RFX2: variants seen among roughly 807,000 people sequenced by gnomAD.
RFX2 encodes regulatory factor X2.
A neutral mutation model predicts 87.8 loss-of-function variants in RFX2; 20 were observed. The observed-to-expected ratio is 0.23, with a 90% confidence interval of 0.16 to 0.33. The LOEUF is 0.33. RFX2 is among the 10% of genes least tolerant of loss of function. The pLI is 1.00. For synonymous variants in RFX2, 397 were observed against 431.3 expected (o/e 0.92, Z 0.98); for missense variants, 767 against 1,012.3 (o/e 0.76, Z 3.29).
In RFX2 at chr19:6,044,350, G is replaced by C; in HGVS notation, c.91-68C>G. On this transcript the variant is annotated intron_variant, in intron 2 of 17. Transcript: ENST00000303657. The surrounding 1 kb of genome is among the most constrained non-coding windows in gnomAD (Gnocchi z 5.3). ...TCAGTGCTGAGGATACACACAGAATGTAAGATGCTGTTTGTCTGTTCATGT... is the reference window on the plus strand; with the variant it reads ...TCAGTGCTGAGGATACACACAGAATCTAAGATGCTGTTTGTCTGTTCATGT... 2 of 958,222 alleles carry C rather than the reference G, an allele frequency of 2.1e-6. No individual in the cohort carries two copies. Among genetic ancestry groups the C allele is most frequent in the East Asian group, 3.2e-5 (1 of 31,268 alleles). The allele number at this position is 958,222 out of a possible 1,614,324, so 59.4% of individuals were successfully genotyped here.
intron 1 of RFX2, among the ~76,000 whole-genome samples, chr19:6,054,910 A>G (rs2087313307): frequency 2.6e-5 from 4 of 152,228 alleles, no homozygotes; most frequent in Non-Finnish European, 5.9e-5. Context: ...TGCTAAGAAT[A>G]TGAATAGGTA....
chr19:6,008,038 C>G lies in RFX2; in HGVS notation c.1134+68G>C, dbSNP rs1462409113. On this transcript the variant is annotated intron_variant, in intron 10 of 17. Coordinates refer to ENST00000303657, the MANE Select transcript of RFX2 (RefSeq NM_000635.4). ...GCTCCTCAGCGTCACCCGGGGACGC[C>G]TGGCCTGAGCGCTGGCGGTTCCCGG... The G allele has an allele frequency of 3.3e-6, 4 of 1,229,240 alleles. No individual in the cohort carries two copies. In the African/African-American group the frequency reaches 6.0e-5, roughly 18 times the overall value. 76.1% of individuals were successfully genotyped at this position (1,229,240 alleles called of 1,614,324 possible).
rs1160884506 is a variant in RFX2 at position 6,007,157 on chromosome 19, G to A, written c.1257C>T (p.Asp419=). ...CCTTGGGCAGGACGGCGCCCTCGGG[G>A]TCTTCGTCACTGTGGAGGGAGGGGG... The part of the protein sequence containing the change: ...GPTSLPASDE[D]PEGAVLPKDK... The change falls in exon 12 of 18, where the codon GAC becomes GAT. Residue 419 remains aspartate, a synonymous_variant. Coordinates refer to ENST00000303657, the MANE Select transcript of RFX2 (RefSeq NM_000635.4). The surrounding 1 kb of genome is among the most constrained non-coding windows in gnomAD (Gnocchi z 8.2). 1.9e-6 allele frequency: 3 copies of A among 1,613,554 alleles called. No individual in the cohort carries two copies. In the African/African-American group the frequency reaches 4.0e-5, roughly 22 times the overall value.
At chr19:6,019,346 G>A (rs1347211060) in intron 6 of RFX2, among the ~76,000 whole-genome samples, 1 of 152,012 alleles carries the variant, frequency 6.6e-6, no homozygotes, top group East Asian at 1.9e-4. Context: ...TTCTGGACTG[G>A]ACTTTTTCCA....
intron 3 of RFX2, among the ~76,000 whole-genome samples, chr19:6,043,476 A>G (rs2087141628): frequency 6.6e-6 from 1 of 152,212 alleles, no homozygotes; most frequent in Non-Finnish European, 1.5e-5. Context: ...GTTAACTTTA[A>G]TTCAGGATTC....
At chr19:6,057,389 C>T (rs1472534712) in intron 1 of RFX2, 1 of 152,504 alleles carries the variant, frequency 6.6e-6, no homozygotes, top group Non-Finnish European at 1.5e-5. Context: ...GCAGAAAACG[C>T]TGAGAGCAAT....
intron 16 of RFX2, among the ~76,000 whole-genome samples, chr19:5,996,628 CA>C (rs2086416478): frequency 6.6e-6 from 1 of 152,254 alleles, no homozygotes; most frequent in Non-Finnish European, 1.5e-5. Context: ...ACAGAGGTGC[CA>C]GCTGCACGTT....
intron 1 of RFX2, among the ~76,000 whole-genome samples, chr19:6,071,332 G>A (rs567577707): frequency 6.6e-6 from 1 of 152,310 alleles, no homozygotes; most frequent in East Asian, 1.9e-4. Flanking sequence ...GACTCAGCCT[G>A]ACGGGAGGAG....
At chr19:6,094,505 G>A (rs370635556) in intron 1 of RFX2, among the ~76,000 whole-genome samples, 2 of 152,152 alleles carry the variant, frequency 1.3e-5, no homozygotes, top group African/African-American at 2.4e-5. Flanking sequence ...ATGTTTTCAC[G>A]GCTATGAAGT....
chr19:6,094,082 C>T (rs1034033144), intron 1 of RFX2, among the ~76,000 whole-genome samples: 10 of 152,148 alleles, frequency 6.6e-5, no homozygotes, highest in Non-Finnish European at 1.0e-4. Flanking sequence ...CTGAATTCTG[C>T]GGCATGTGAA....
At chr19:6,094,714 T>G (rs989944992) in intron 1 of RFX2, among the ~76,000 whole-genome samples, 1 of 152,182 alleles carries the variant, frequency 6.6e-6, no homozygotes, top group African/African-American at 2.4e-5. Flanking sequence ...AAAAAGAATG[T>G]GAAATATCTC....
rs1265978586 is a variant in RFX2 at position 6,047,783 on chromosome 19, G to A, written c.-8-279C>T. On this transcript the variant is annotated intron_variant, in intron 1 of 17. Coordinates refer to ENST00000303657, the MANE Select transcript of RFX2 (RefSeq NM_000635.4). The surrounding 1 kb of genome is among the most constrained non-coding windows in gnomAD (Gnocchi z 4.2). The stretch of plus-strand genomic sequence containing the variant: ...GCAGGAATTCCTCAACAGAAGGCCG[G>A]GACACTGGCTCTGTGCCCAAGTCTG... Among the ~76,000 whole-genome samples, 1 of 152,216 alleles carries A rather than the reference G, an allele frequency of 6.6e-6. No individual in the cohort carries two copies. Among genetic ancestry groups the A allele is most frequent in the Non-Finnish European group, 1.5e-5 (1 of 68,036 alleles).
intron 1 of RFX2, among the ~76,000 whole-genome samples, chr19:6,086,368 G>C (rs1363655318): frequency 6.6e-6 from 1 of 152,220 alleles, no homozygotes; most frequent in Non-Finnish European, 1.5e-5. Context: ...CACCTGGGCT[G>C]TATGGTATAA....
In RFX2 at chr19:6,044,193, C is replaced by A; in HGVS notation, c.180G>T (p.Gln60His). ...ACGGTGCTGCGGTGCTTGTCATTAC[C>A]TGCTGGGGTACCTGCTGAACTCTGG... Reference protein sequence around the residue: ...SLPRVQQVPQQVQPVQHVYPA... With the variant: ...SLPRVQQVPQHVQPVQHVYPA... Residue 60 changes from glutamine to histidine, a missense_variant and splice_region_variant, in exon 3 of 18, where the codon CAG (glutamine) becomes CAT (histidine). By Grantham distance (24) the Gln-to-His change is conservative (BLOSUM62 0). This residue lies in a region of RFX2 where 146 missense variants were observed against 139.2 expected (regional missense o/e 1.05). Transcript: ENST00000303657. This position sits in a 1 kb window ranked among gnomAD's most constrained non-coding sequence, Gnocchi z 5.3. 6.4e-7 allele frequency: 1 copy of A among 1,552,276 alleles called. No homozygotes were observed. The highest frequency in any genetic ancestry group is 8.7e-7 in the Non-Finnish European group (1 of 1,148,884).
Position 6,027,734 on chromosome 19 carries a change from A to G in RFX2, c.523-1497T>C, listed in dbSNP as rs2086909786. Among the ~76,000 whole-genome samples the G allele has an allele frequency of 6.6e-6, 1 of 152,138 alleles. No individual in the cohort carries two copies. Among genetic ancestry groups the G allele is most frequent in the Non-Finnish European group, 1.5e-5 (1 of 68,018 alleles). ...CACTATTACAAAATTTTGAGATTTCACCACCCACCCCTGAAAAAGAGCTTT... is the reference window on the plus strand; with the variant it reads ...CACTATTACAAAATTTTGAGATTTCGCCACCCACCCCTGAAAAAGAGCTTT... On this transcript the variant is annotated intron_variant, in intron 5 of 17. Coordinates refer to ENST00000303657, the MANE Select transcript of RFX2 (RefSeq NM_000635.4). This position sits in a 1 kb window ranked among gnomAD's most constrained non-coding sequence, Gnocchi z 5.0.
Position 6,007,049 on chromosome 19 carries a change from C to T in RFX2, c.1365G>A (p.Val455=). 1.2e-6 allele frequency: 2 copies of T among 1,614,130 alleles called. No individual in the cohort carries two copies. The highest frequency in any genetic ancestry group is 2.2e-5 in the East Asian group (1 of 44,874). Residue 455 remains valine (V), a synonymous_variant, in exon 12 of 18, where the codon GTG becomes GTA. Coordinates refer to ENST00000303657, the MANE Select transcript of RFX2 (RefSeq NM_000635.4). The surrounding 1 kb of genome is among the most constrained non-coding windows in gnomAD (Gnocchi z 8.2). ...TCAGCACGTCGGGGATGAGAATCTCCACCAGCGCCTGGTAGAGGATGTGGT... is the reference window on the plus strand; with the variant it reads ...TCAGCACGTCGGGGATGAGAATCTCTACCAGCGCCTGGTAGAGGATGTGGT... ...SCDHILYQAL[V]EILIPDVLRP...
intron 1 of RFX2, among the ~76,000 whole-genome samples, chr19:6,079,209 C>T (rs936660578): frequency 6.6e-5 from 10 of 152,172 alleles, no homozygotes; most frequent in Admixed American, 4.6e-4. Context: ...AGTATCACTG[C>T]GATTTAGTGT....
chr19:5,994,743 A>G lies in RFX2; in HGVS notation c.*92T>C. 2.5e-6 allele frequency: 2 copies of G among 784,790 alleles called. No individual in the cohort carries two copies. Among genetic ancestry groups the G allele is most frequent in the South Asian group, 3.0e-5 (2 of 66,842 alleles). The allele number at this position is 784,790 out of a possible 1,614,324, so 48.6% of individuals were successfully genotyped here. On this transcript the variant is annotated 3_prime_UTR_variant, in exon 18 of 18. Coordinates refer to ENST00000303657, the MANE Select transcript of RFX2 (RefSeq NM_000635.4). Reference sequence around the variant, plus strand: ...CAAAGTAAACATCACATCATCTAAGAGGCACTAATTTGGTGGAGCCGGTGA... The same window carrying G: ...CAAAGTAAACATCACATCATCTAAGGGGCACTAATTTGGTGGAGCCGGTGA...
At chr19:6,071,337 G>A (rs1245098279) in intron 1 of RFX2, among the ~76,000 whole-genome samples, 1 of 152,206 alleles carries the variant, frequency 6.6e-6, no homozygotes, top group African/African-American at 2.4e-5. Context: ...AGCCTGACGG[G>A]AGGAGGTCTC....
Sources: allele counts gnomAD v4.1 joint callset (sites outside exome capture counted in the v4.1 genomes callset), GRCh38; gene constraint gnomAD v4.1.1; regional missense constraint gnomAD v4.1.1; non-coding constraint Gnocchi (gnomAD v3.1); transcripts MANE v1.5; gene names NCBI Gene and HGNC (gene_info 2026-07-23, HGNC 2026-07-21).